Variants in RAB28 observed in about 807,000 individuals in gnomAD.
RAB28 encodes the protein ras-related protein Rab-28.
A neutral mutation model predicts 31.7 loss-of-function variants in RAB28; 24 were observed. The ratio of observed to expected loss-of-function variants is 0.76; its 90% CI spans 0.55 to 1.06. RAB28 has a LOEUF of 1.06. Among genes scored for constraint, RAB28 ranks in the 50% least tolerant of loss-of-function variants. RAB28 has a pLI of 0.00. For synonymous variants in RAB28, 100 were observed against 90.4 expected (o/e 1.11, Z -0.60); for missense variants, 254 against 258.5 (o/e 0.98, Z 0.12).
At chr4:13,392,512 C>G (rs1729684280) in intron 4 of RAB28, among the ~76,000 whole-genome samples, 1 of 152,032 alleles carries the variant, frequency 6.6e-6, no homozygotes, top group Admixed American at 6.6e-5. Context: ...AGTTATAGTT[C>G]TTCAGTTATT....
At chr4:13,402,883 C>T (rs961523787) in intron 4 of RAB28, among the ~76,000 whole-genome samples, 1 of 152,124 alleles carries the variant, frequency 6.6e-6, no homozygotes, top group African/African-American at 2.4e-5. Flanking sequence ...CAGCCTTTGC[C>T]TCCCAGTCTC....
chr4:13,424,507 T>A (rs1713362482), intron 4 of RAB28, among the ~76,000 whole-genome samples: 1 of 152,160 alleles, frequency 6.6e-6, no homozygotes, highest in Non-Finnish European at 1.5e-5. Flanking sequence ...CTTAACTTGA[T>A]TACATCTGCA....
chr4:13,393,688 T>C (rs913835242), intron 4 of RAB28, among the ~76,000 whole-genome samples: 1 of 150,578 alleles, frequency 6.6e-6, no homozygotes, highest in African/African-American at 2.5e-5. Context: ...TTTACCCATC[T>C]TGTATGCATA....
rs1212018291 is a variant in RAB28 at position 13,450,872 on chromosome 4, GA to G, written c.391+9826del. ...ATGAATTTGGAATGTTTTGGAAACA[GA>G]AAAAAAAATAAACATGCCTTGCACT... is the stretch of plus-strand genomic sequence containing the variant. On this transcript the variant is annotated intron_variant, in intron 4 of 6. Coordinates refer to ENST00000330852, the MANE Select transcript of RAB28 (RefSeq NM_001017979.3). 4.0e-5 allele frequency among the ~76,000 whole-genome samples: 6 copies of G among 150,548 alleles called. No individual in the cohort carries two copies. In the East Asian group the frequency reaches 7.8e-4, roughly 19 times the overall value.
At position 13,484,291 on chromosome 4, in the gene RAB28, G is replaced by A. The variant is rs934572044; in HGVS notation, c.-141C>T. On this transcript the variant is annotated 5_prime_UTR_variant, in exon 1 of 7. Coordinates refer to ENST00000330852, the MANE Select transcript of RAB28 (RefSeq NM_001017979.3). ...GTCTCCGCGCCGGCAGGAGGTATTCGAGGAGAATCACTCGGCAAGCGCCAT... is the reference window on the plus strand; with the variant it reads ...GTCTCCGCGCCGGCAGGAGGTATTCAAGGAGAATCACTCGGCAAGCGCCAT... 7 of 663,862 alleles carry A rather than the reference G, an allele frequency of 1.1e-5. No individual in the cohort carries two copies. The African/African-American group carries it at 1.3e-4, about 12-fold the overall frequency. 41.1% of individuals were successfully genotyped at this position (663,862 alleles called of 1,614,324 possible). A position where few individuals can be genotyped will look rare whatever the true frequency, so the allele number is the denominator to read the frequency against.
chr4:13,413,527 A>G (rs1414290133), intron 4 of RAB28, among the ~76,000 whole-genome samples: 2 of 152,200 alleles, frequency 1.3e-5, no homozygotes, highest in African/African-American at 4.8e-5. Flanking sequence ...ACACTATTTA[A>G]TAGTACCCGC....
chr4:13,396,923 T>C (rs577933398), intron 4 of RAB28, among the ~76,000 whole-genome samples: 170 of 152,132 alleles, frequency 1.1e-3, no homozygotes, highest in Non-Finnish European at 1.8e-3. Flanking sequence ...TATTCTGAGA[T>C]AATAAGGTTG....
chr4:13,406,571 C>T (rs1025984656), intron 4 of RAB28, among the ~76,000 whole-genome samples: 5 of 152,156 alleles, frequency 3.3e-5, no homozygotes, highest in South Asian at 2.1e-4. Flanking sequence ...ATTGAGGAAT[C>T]GCCACACTGT....
intron 1 of RAB28, 96 bp downstream of exon 1, chr4:13,483,980 C>A: frequency 8.2e-7 from 1 of 1,218,836 alleles, no homozygotes; most frequent in Non-Finnish European, 1.2e-6. Flanking sequence ...AGCCCGAGGG[C>A]TCGGGGTAAC....
chr4:13,448,157 C>A (rs1237471507), intron 4 of RAB28, among the ~76,000 whole-genome samples: 1 of 152,044 alleles, frequency 6.6e-6, no homozygotes, highest in Non-Finnish European at 1.5e-5. Context: ...TTTTCCACAA[C>A]CACTGCAAAT....
chr4:13,432,777 G>A (rs1241084679), intron 4 of RAB28, among the ~76,000 whole-genome samples: 1 of 152,070 alleles, frequency 6.6e-6, no homozygotes, highest in Non-Finnish European at 1.5e-5. Flanking sequence ...TACAAGAAAT[G>A]CTCAAAGGAG....
chr4:13,422,262 G>A (rs940413668), intron 4 of RAB28, among the ~76,000 whole-genome samples: 4 of 152,202 alleles, frequency 2.6e-5, no homozygotes, highest in South Asian at 4.1e-4. Flanking sequence ...ATGCTGGAGA[G>A]GACGTGGAGA....
chr4:13,434,515 G>T (rs975175049), intron 4 of RAB28, among the ~76,000 whole-genome samples: 1 of 152,162 alleles, frequency 6.6e-6, no homozygotes, highest in African/African-American at 2.4e-5. Flanking sequence ...GCATTAAACA[G>T]ATCAAGGCAG....
At chr4:13,468,590 G>A (rs530135296) in intron 3 of RAB28, among the ~76,000 whole-genome samples, 1 of 151,816 alleles carries the variant, frequency 6.6e-6, no homozygotes, top group East Asian at 1.9e-4. Context: ...TAGGGAAAGT[G>A]TTTAGCATTG....
chr4:13,437,116 T>C (rs1464100308), intron 4 of RAB28, among the ~76,000 whole-genome samples: 4 of 152,060 alleles, frequency 2.6e-5, no homozygotes, highest in Admixed American at 6.6e-5. Flanking sequence ...GGCGAAAGGA[T>C]ATCCTACTCA....
At chr4:13,397,176 A>T (rs919719537) in intron 4 of RAB28, among the ~76,000 whole-genome samples, 2 of 152,172 alleles carry the variant, frequency 1.3e-5, no homozygotes, top group Admixed American at 1.3e-4. Context: ...TCACACCACA[A>T]TAAGAATGAA....
chr4:13,483,619 A>C (rs1449951591), intron 1 of RAB28, among the ~76,000 whole-genome samples: 1 of 152,240 alleles, frequency 6.6e-6, no homozygotes, highest in East Asian at 1.9e-4. Flanking sequence ...CCCGACGACT[A>C]AGTGGCAGAG....
intron 4 of RAB28, among the ~76,000 whole-genome samples, chr4:13,399,453 T>C (rs1261153811): frequency 1.3e-5 from 2 of 152,214 alleles, no homozygotes; most frequent in African/African-American, 4.8e-5. Flanking sequence ...CTGTCTAAGA[T>C]ACATAGCAGA....
At chr4:13,420,660 A>G (rs1713077201) in intron 4 of RAB28, among the ~76,000 whole-genome samples, 1 of 152,226 alleles carries the variant, frequency 6.6e-6, no homozygotes, top group Non-Finnish European at 1.5e-5. Context: ...CAAAAACCAC[A>G]TGATTATCTC....
Sources: gnomAD v4.1 joint callset for allele counts (sites outside exome capture counted in the v4.1 genomes callset) on GRCh38, gnomAD v4.1.1 for gene constraint, MANE v1.5 for transcripts, NCBI Gene and HGNC (gene_info 2026-07-23, HGNC 2026-07-21) for gene names.